MED13L: variants seen among roughly 807,000 people sequenced by gnomAD.
The protein encoded by MED13L is mediator of RNA polymerase II transcription subunit 13-like.
MED13L carries 7 observed loss-of-function variants against 220.9 expected under a neutral mutation model. The observed-to-expected ratio is 0.03, with a 90% CI of 0.02 to 0.06. The LOEUF (loss-of-function observed/expected upper bound fraction) is 0.06. MED13L is among the 10% of genes least tolerant of loss of function. MED13L has a pLI of 1.00. For synonymous variants in MED13L, 1,011 were observed against 1,015.2 expected (o/e 1.00, Z 0.08); for missense variants, 1,965 against 2,760.5 (o/e 0.71, Z 6.46).
intron 1 of MED13L, among the ~76,000 whole-genome samples, chr12:116,239,572 G>A (rs1870424591): frequency 6.6e-6 from 1 of 151,984 alleles, no homozygotes; most frequent in Non-Finnish European, 1.5e-5. Context: ...ATATAATTTA[G>A]CCATCCCATA....
intron 27 of MED13L, among the ~76,000 whole-genome samples, 180 bp from the exon 28 acceptor site, chr12:115,969,277 T>G (rs1405794682): frequency 6.6e-6 from 1 of 152,214 alleles, no homozygotes; most frequent in Non-Finnish European, 1.5e-5. Context: ...AAATTATTCT[T>G]TCATTTTGTA....
At chr12:116,128,745 A>G (rs1875814766) in intron 2 of MED13L, among the ~76,000 whole-genome samples, 1 of 152,194 alleles carries the variant, frequency 6.6e-6, no homozygotes, top group Non-Finnish European at 1.5e-5. Flanking sequence ...ATAACAAAAT[A>G]AAGTTACACA....
intron 28 of MED13L, among the ~76,000 whole-genome samples, chr12:115,966,926 CTT>C (rs1352883964): frequency 1.3e-5 from 2 of 152,110 alleles, no homozygotes; most frequent in Non-Finnish European, 2.9e-5. Context: ...AATCCCAGCA[CTT>C]TGTGAGGCTG....
chr12:116,074,355 A>G (rs1002341923), intron 4 of MED13L, among the ~76,000 whole-genome samples: 1 of 152,224 alleles, frequency 6.6e-6, no homozygotes, highest in Non-Finnish European at 1.5e-5. Context: ...AGATCTTGCC[A>G]CTGCACTCTA....
chr12:116,171,533 C>T (rs1879679796), intron 2 of MED13L, among the ~76,000 whole-genome samples: 2 of 152,158 alleles, frequency 1.3e-5, no homozygotes, highest in African/African-American at 4.8e-5. Flanking sequence ...TTTAACCATT[C>T]CTCATTTACA....
intron 2 of MED13L, among the ~76,000 whole-genome samples, chr12:116,131,128 G>A (rs1353126517): frequency 6.6e-6 from 1 of 152,114 alleles, no homozygotes; most frequent in African/African-American, 2.4e-5. Flanking sequence ...AATGTCCTCT[G>A]GGGGGTAAAA....
chr12:116,019,510 G>C (rs995950419), intron 6 of MED13L, 98 bp from the exon 7 acceptor site: 1 of 1,370,270 alleles, frequency 7.3e-7, no homozygotes, highest in Non-Finnish European at 1.0e-6. Context: ...AGATGCTCAT[G>C]AAGTACTGCC....
At chr12:115,966,290 C>T (rs375690320) in intron 28 of MED13L, 47 bp from the exon 29 acceptor site, 28 of 1,609,476 alleles carry the variant, frequency 1.7e-5, no homozygotes, top group Non-Finnish European at 2.4e-5. Flanking sequence ...TATCTTAAAG[C>T]TTGAAAAATG....
At chr12:116,186,909 A>G (rs1430731507) in intron 2 of MED13L, among the ~76,000 whole-genome samples, 1 of 152,180 alleles carries the variant, frequency 6.6e-6, no homozygotes, top group Non-Finnish European at 1.5e-5. Flanking sequence ...ACACTTTTCC[A>G]TTCAAAATTC....
At position 116,080,103 on chromosome 12, in the gene MED13L, A is replaced by T. The variant is rs534666231; in HGVS notation, c.479+16566T>A. On this transcript the variant is annotated intron_variant, in intron 4 of 30. Coordinates refer to ENST00000281928, the MANE Select transcript of MED13L (RefSeq NM_015335.5). ...GCCCAAGACAATTCTTCTTCTTCCA[A>T]TATGGCCCAGGGAAGCCAAAAGGTT... Among the ~76,000 whole-genome samples, 3 of 152,094 alleles carry T rather than the reference A, an allele frequency of 2.0e-5. No individual in the cohort carries two copies. The South Asian group carries it at 6.2e-4, about 32-fold the overall frequency.
chr12:116,089,564 C>G (rs1872008781), intron 4 of MED13L, among the ~76,000 whole-genome samples: 1 of 152,074 alleles, frequency 6.6e-6, no homozygotes, highest in South Asian at 2.1e-4. Flanking sequence ...GTAATAATCT[C>G]AAGAGTCTTA....
chr12:115,966,395 G>T, intron 28 of MED13L, 152 bp from the exon 29 acceptor site: 1 of 865,820 alleles, frequency 1.2e-6, no homozygotes, highest in South Asian at 1.4e-5. Context: ...AGGTAAGCGG[G>T]GCCAGCATCG....
chr12:116,136,794 T>A (rs1338583140), intron 2 of MED13L, among the ~76,000 whole-genome samples: 3 of 152,192 alleles, frequency 2.0e-5, no homozygotes, highest in Non-Finnish European at 4.4e-5. Flanking sequence ...AAGCATAATA[T>A]AATCAAGTGT....
intron 1 of MED13L, among the ~76,000 whole-genome samples, chr12:116,262,780 T>C (rs1222894906): frequency 3.9e-5 from 6 of 152,348 alleles, no homozygotes; most frequent in African/African-American, 9.6e-5. Flanking sequence ...TTAAATGTTA[T>C]AGGATCTTGC....
intron 2 of MED13L, among the ~76,000 whole-genome samples, chr12:116,160,724 A>T (rs73398810): frequency 4.2e-4 from 64 of 151,268 alleles, no homozygotes; most frequent in African/African-American, 1.6e-3. Context: ...GGCACACATG[A>T]CCACACACAG....
At chr12:115,970,793 A>G in intron 26 of MED13L, 23 bp from the exon 27 acceptor site, 1 of 1,606,760 alleles carries the variant, frequency 6.2e-7, no homozygotes, top group Non-Finnish European at 8.5e-7. Flanking sequence ...AAATAGAATT[A>G]TATCAATCAA....
At chr12:115,975,384 C>T (rs983606569) in intron 24 of MED13L, 71 bp from the exon 25 acceptor site, 5 of 1,609,514 alleles carry the variant, frequency 3.1e-6, no homozygotes, top group Non-Finnish European at 4.2e-6. Context: ...ACTTATAAGA[C>T]AAACACTAGA....
At chr12:116,106,761 G>T (rs189518041) in intron 3 of MED13L, among the ~76,000 whole-genome samples, 1 of 151,440 alleles carries the variant, frequency 6.6e-6, no homozygotes, top group Non-Finnish European at 1.5e-5. Flanking sequence ...CAGGTGAATC[G>T]CTTGAAACCG....
intron 4 of MED13L, among the ~76,000 whole-genome samples, chr12:116,056,252 A>G (rs7308538): frequency 0.94 from 143,503 of 152,056 alleles, 67,779 homozygotes; most frequent in African/African-American, 0.98. Context: ...ATTTTCTAAT[A>G]ATTTATGAAG....
Sources: gnomAD v4.1 joint callset for allele counts (sites outside exome capture counted in the v4.1 genomes callset) on GRCh38, gnomAD v4.1.1 for gene constraint, MANE v1.5 for transcripts, NCBI Gene and HGNC (gene_info 2026-07-23, HGNC 2026-07-21) for gene names.